Variants in ILRUN observed in about 807,000 individuals in gnomAD.
ILRUN encodes the protein inflammation and lipid regulator with UBA-like and NBR1-like domains, also known as protein ILRUN.
A neutral mutation model predicts 33.8 loss-of-function variants in ILRUN; 3 were observed. The observed-to-expected ratio is 0.09, with a 90% CI of 0.04 to 0.23. The LOEUF is 0.23. ILRUN is among the 10% of genes least tolerant of loss of function. The pLI is 1.00. For synonymous variants in ILRUN, 124 were observed against 138.9 expected (o/e 0.89, Z 0.75); for missense variants, 210 against 375.1 (o/e 0.56, Z 3.64).
intron 1 of ILRUN, among the ~76,000 whole-genome samples, chr6:34,681,111 T>G (rs1763349825): frequency 6.6e-6 from 1 of 152,030 alleles, no homozygotes; most frequent in Non-Finnish European, 1.5e-5. Context: ...CAGAAAGCAC[T>G]TTAGAAGCAC....
At chr6:34,693,529 AT>A (rs907693750) in intron 1 of ILRUN, among the ~76,000 whole-genome samples, 1 of 151,588 alleles carries the variant, frequency 6.6e-6, no homozygotes, top group Non-Finnish European at 1.5e-5. Context: ...CCCAGAACAC[AT>A]TTTCTTAACG....
chr6:34,661,303 T>A (rs994111119), intron 1 of ILRUN, among the ~76,000 whole-genome samples: 3 of 152,162 alleles, frequency 2.0e-5, no homozygotes, highest in Non-Finnish European at 4.4e-5. Flanking sequence ...TGTCTACAAC[T>A]TTCAAATGAT....
intron 3 of ILRUN, among the ~76,000 whole-genome samples, chr6:34,631,471 G>C (rs944721649): frequency 6.6e-6 from 1 of 152,006 alleles, no homozygotes; most frequent in Non-Finnish European, 1.5e-5. Flanking sequence ...GGAATTACAG[G>C]CATGTACCAC....
intron 1 of ILRUN, among the ~76,000 whole-genome samples, chr6:34,680,108 C>A (rs151143226): frequency 2.0e-5 from 3 of 152,272 alleles, no homozygotes; most frequent in African/African-American, 7.2e-5. Context: ...ATCAGAAGCA[C>A]AGGCTACTTA....
chr6:34,665,783 T>A (rs1762983218), intron 1 of ILRUN, among the ~76,000 whole-genome samples: 1 of 152,074 alleles, frequency 6.6e-6, no homozygotes, highest in South Asian at 2.1e-4. Flanking sequence ...GAACCAACAT[T>A]CCATCCTCTT....
intron 4 of ILRUN, among the ~76,000 whole-genome samples, chr6:34,598,157 T>C (rs933423791): frequency 2.0e-5 from 3 of 152,232 alleles, no homozygotes; most frequent in Non-Finnish European, 4.4e-5. Context: ...GTCAGTATTA[T>C]TGACTGTATA....
chr6:34,591,959 G>C (rs933615821), intron 4 of ILRUN, among the ~76,000 whole-genome samples: 1 of 152,186 alleles, frequency 6.6e-6, no homozygotes, highest in Non-Finnish European at 1.5e-5. Flanking sequence ...TTGGCTGAGT[G>C]GAAGAAGCTT....
At chr6:34,663,803 A>G (rs1762941985) in intron 1 of ILRUN, among the ~76,000 whole-genome samples, 2 of 152,202 alleles carry the variant, frequency 1.3e-5, no homozygotes, top group Non-Finnish European at 2.9e-5. Context: ...CATCATCCTA[A>G]TAATGTCCCG....
intron 3 of ILRUN, among the ~76,000 whole-genome samples, chr6:34,645,584 C>T (rs1318494343): frequency 6.6e-6 from 1 of 152,066 alleles, no homozygotes; most frequent in East Asian, 1.9e-4. Flanking sequence ...TTTGCCCAGG[C>T]TGATCTCGAG....
rs73413881 is a variant in ILRUN at position 34,695,479 on chromosome 6, C to A, written c.158+967G>T. 3.5e-3 allele frequency among the ~76,000 whole-genome samples: 540 copies of A among 152,334 alleles called. 4 individuals carry two copies. The highest frequency in any genetic ancestry group is 0.012 in the African/African-American group (514 of 41,564). On this transcript the variant is annotated intron_variant, in intron 1 of 4. Coordinates refer to ENST00000374023, the MANE Select transcript of ILRUN (RefSeq NM_024294.4). ...ACGACAGCAAGTGCTACTTCCAAAG[C>A]CAAGAAACACTCCTTTACGTCGGGT...
intron 3 of ILRUN, among the ~76,000 whole-genome samples, chr6:34,637,843 T>TTGTTGC (rs1554185644): frequency 7.1e-6 from 1 of 141,246 alleles, no homozygotes; most frequent in African/African-American, 2.6e-5. Context: ...GCTGTTGTTG[T>TTGTTGC]TGCTGCTGCT....
intron 3 of ILRUN, among the ~76,000 whole-genome samples, chr6:34,622,022 T>C (rs1262297526): frequency 6.6e-6 from 1 of 152,182 alleles, no homozygotes; most frequent in Non-Finnish European, 1.5e-5. Flanking sequence ...CAAAAAACGA[T>C]GCTGAGAAAA....
Position 34,588,385 on chromosome 6 carries a change from A to G in ILRUN, c.*2180T>C. ...GGAAGGGGCACCCAGTGTTGGGCAG[A>G]AGAGGAAGTCAGGAAAGCAGGGGTT... On this transcript the variant is annotated 3_prime_UTR_variant, in exon 5 of 5. Coordinates refer to ENST00000374023, the MANE Select transcript of ILRUN (RefSeq NM_024294.4). The G allele has an allele frequency of 2.5e-6, 1 of 397,260 alleles. No homozygotes were observed. Among genetic ancestry groups the G allele is most frequent in the Non-Finnish European group, 4.4e-6 (1 of 225,748 alleles). 24.6% of individuals were successfully genotyped at this position (397,260 alleles called of 1,614,324 possible).
intron 1 of ILRUN, among the ~76,000 whole-genome samples, chr6:34,684,521 G>A (rs949451452): frequency 5.3e-5 from 8 of 152,096 alleles, no homozygotes; most frequent in Admixed American, 5.2e-4. Flanking sequence ...TGTTTACTGA[G>A]CACCTATGTA....
At chr6:34,648,814 G>C (rs991655908) in intron 2 of ILRUN, among the ~76,000 whole-genome samples, 1 of 152,008 alleles carries the variant, frequency 6.6e-6, no homozygotes, top group Non-Finnish European at 1.5e-5. Flanking sequence ...ACATACACCT[G>C]CAACAAGATA....
intron 1 of ILRUN, among the ~76,000 whole-genome samples, chr6:34,658,340 T>C (rs1359758891): frequency 7.0e-6 from 1 of 142,550 alleles, no homozygotes; most frequent in Non-Finnish European, 1.5e-5. Context: ...AAAGTGAGAC[T>C]CTGTCTCAAA....
intron 3 of ILRUN, among the ~76,000 whole-genome samples, chr6:34,633,901 G>C (rs1271734867): frequency 8.7e-6 from 1 of 115,248 alleles, no homozygotes; most frequent in Admixed American, 9.0e-5. Flanking sequence ...GGGAGGGAGG[G>C]AGGGAGGGAG....
At chr6:34,675,260 G>A (rs1050430387) in intron 1 of ILRUN, among the ~76,000 whole-genome samples, 19 of 151,902 alleles carry the variant, frequency 1.3e-4, no homozygotes, top group South Asian at 1.0e-3. Context: ...CAGCCTGGGC[G>A]ACAAAGCAAG....
At chr6:34,637,758 A>G (rs937607919) in intron 3 of ILRUN, among the ~76,000 whole-genome samples, 1 of 152,168 alleles carries the variant, frequency 6.6e-6, no homozygotes, top group African/African-American at 2.4e-5. Flanking sequence ...TAAATTTTTG[A>G]TGGCCCATAG....
Sources: allele counts gnomAD v4.1 joint callset (sites outside exome capture counted in the v4.1 genomes callset), GRCh38; gene constraint gnomAD v4.1.1; transcripts MANE v1.5; gene names NCBI Gene and HGNC (gene_info 2026-07-23, HGNC 2026-07-21).